MCPH1: variants seen among roughly 807,000 people sequenced by gnomAD.
MCPH1 encodes the protein microcephalin.
In MCPH1, 104 loss-of-function variants were observed where a neutral mutation model predicts 84.5. That is an observed-to-expected ratio of 1.23 (90% CI 1.05 to 1.45). The LOEUF (loss-of-function observed/expected upper bound fraction) is 1.45. Ranked by LOEUF, MCPH1 falls within the 40% of genes most tolerant of loss-of-function variation. MCPH1 has a pLI of 0.00. For synonymous variants in MCPH1, 514 were observed against 366.8 expected, an observed-to-expected ratio of 1.40 and a Z score of -4.58; for missense variants, 1,498 against 1,005.7, an observed-to-expected ratio of 1.49 and a Z score of -6.62.
Position 6,606,457 on chromosome 8 carries a change from G to A in MCPH1, c.2215-14997G>A, listed in dbSNP as rs61028942. Among the ~76,000 whole-genome samples the A allele has an allele frequency of 3.7e-4, 57 of 152,322 alleles. 2 individuals carry two copies. The East Asian group carries it at 0.01, about 28-fold the overall frequency. Reference sequence around the variant, plus strand: ...AAAACCTAACCTATATATGGTGGGTGTTCATGTTCTATTAAAGCAAGGTCC... The same window carrying A: ...AAAACCTAACCTATATATGGTGGGTATTCATGTTCTATTAAAGCAAGGTCC... On this transcript the variant is annotated intron_variant, in intron 12 of 13. Coordinates refer to ENST00000344683, the MANE Select transcript of MCPH1 (RefSeq NM_024596.5).
chr8:6,497,957 C>G (rs554466065), intron 11 of MCPH1, among the ~76,000 whole-genome samples: 3 of 152,250 alleles, frequency 2.0e-5, no homozygotes, highest in Admixed American at 1.3e-4. Context: ...AAAGAACTCT[C>G]AATGCTCTCA....
At chr8:6,478,249 T>C (rs1055160258) in intron 10 of MCPH1, among the ~76,000 whole-genome samples, 1 of 152,178 alleles carries the variant, frequency 6.6e-6, no homozygotes, top group Non-Finnish European at 1.5e-5. Flanking sequence ...AGGGCACCTT[T>C]AGAACATTTT....
At chr8:6,430,034 C>A (rs768337889) in intron 3 of MCPH1, among the ~76,000 whole-genome samples, 1 of 152,204 alleles carries the variant, frequency 6.6e-6, no homozygotes, top group Non-Finnish European at 1.5e-5. Flanking sequence ...ACCCTGTTTG[C>A]TGCACTGTGC....
intron 13 of MCPH1, among the ~76,000 whole-genome samples, chr8:6,641,493 G>C (rs1797933041): frequency 6.6e-6 from 1 of 152,212 alleles, no homozygotes; most frequent in Non-Finnish European, 1.5e-5. Context: ...TATAATCCCA[G>C]CATTTTGGAA....
intron 3 of MCPH1, among the ~76,000 whole-genome samples, chr8:6,425,533 A>G (rs1800925934): frequency 6.6e-6 from 1 of 152,184 alleles, no homozygotes; most frequent in African/African-American, 2.4e-5. Context: ...ACCCAGGTAG[A>G]TGAAATTCAG....
At chr8:6,590,184 G>A (rs1828328369) in intron 12 of MCPH1, among the ~76,000 whole-genome samples, 1 of 140,398 alleles carries the variant, frequency 7.1e-6, no homozygotes, top group Non-Finnish European at 1.5e-5. Flanking sequence ...ATGGAAGAGT[G>A]TTATAATGTT....
chr8:6,467,659 G>C (rs547170682), intron 9 of MCPH1, among the ~76,000 whole-genome samples: 1 of 152,254 alleles, frequency 6.6e-6, no homozygotes, highest in South Asian at 2.1e-4. Flanking sequence ...GCCGTGGCGA[G>C]ATCATAGCTC....
chr8:6,609,731 C>T (rs903140586), intron 12 of MCPH1, among the ~76,000 whole-genome samples: 1 of 152,020 alleles, frequency 6.6e-6, no homozygotes, highest in Non-Finnish European at 1.5e-5. Context: ...AGCCACTTCT[C>T]ATTTCCCAGG....
intron 11 of MCPH1, among the ~76,000 whole-genome samples, chr8:6,496,470 G>A (rs1811239020): frequency 6.6e-6 from 1 of 152,100 alleles, no homozygotes; most frequent in Admixed American, 6.5e-5. Context: ...TACACGATGT[G>A]GAGTCTTTTG....
At chr8:6,515,282 C>A (rs1354691159) in intron 12 of MCPH1, among the ~76,000 whole-genome samples, 1 of 152,122 alleles carries the variant, frequency 6.6e-6, no homozygotes, top group African/African-American at 2.4e-5. Flanking sequence ...ACTCCTGTTA[C>A]ATTCTCGTAC....
chr8:6,480,603 T>A, intron 10 of MCPH1, 111 bp from the exon 11 acceptor site: 2 of 1,187,072 alleles, frequency 1.7e-6, no homozygotes, highest in Non-Finnish European at 2.5e-6. Flanking sequence ...CCAAAATCAG[T>A]TTCAAATTTT....
At chr8:6,500,161 C>T (rs981665340) in intron 12 of MCPH1, 29 of 521,456 alleles carry the variant, frequency 5.6e-5, no homozygotes, top group Admixed American at 5.1e-4. Context: ...GAAAATTTGA[C>T]GATTAACATC....
chr8:6,628,805 C>T (rs1796950044), intron 13 of MCPH1, among the ~76,000 whole-genome samples: 1 of 152,220 alleles, frequency 6.6e-6, no homozygotes, highest in South Asian at 2.1e-4. Flanking sequence ...ATAAAAGAAA[C>T]TTCAAAGCTC....
intron 9 of MCPH1, among the ~76,000 whole-genome samples, chr8:6,467,736 C>G (rs1390141441): frequency 6.6e-6 from 1 of 152,114 alleles, no homozygotes; most frequent in Non-Finnish European, 1.5e-5. Context: ...AGCTGAGACT[C>G]CAGGCAGGTG....
intron 8 of MCPH1, among the ~76,000 whole-genome samples, chr8:6,447,602 G>T (rs971287924): frequency 6.6e-6 from 1 of 152,202 alleles, no homozygotes; most frequent in Non-Finnish European, 1.5e-5. Flanking sequence ...CCAGGTTGGA[G>T]TGCAGTGGCA....
chr8:6,608,381 A>C (rs976203370), intron 12 of MCPH1, among the ~76,000 whole-genome samples: 24 of 152,300 alleles, frequency 1.6e-4, no homozygotes, highest in East Asian at 3.9e-4. Flanking sequence ...TCAAAAAGGA[A>C]GCTCATCTTT....
intron 12 of MCPH1, among the ~76,000 whole-genome samples, chr8:6,541,186 G>C (rs1026739139): frequency 1.3e-5 from 2 of 152,218 alleles, no homozygotes; most frequent in Non-Finnish European, 2.9e-5. Context: ...CAGCACAAGA[G>C]GGTGAATTCT....
intron 12 of MCPH1, among the ~76,000 whole-genome samples, chr8:6,580,430 G>A (rs1827469495): frequency 6.6e-6 from 1 of 152,174 alleles, no homozygotes; most frequent in Non-Finnish European, 1.5e-5. Context: ...GCCGAGGCGG[G>A]CAGATCACGA....
rs73520669 is a variant in MCPH1 at position 6,484,934 on chromosome 8, T to A, written c.2136+4058T>A. Among the ~76,000 whole-genome samples the A allele has an allele frequency of 8.7e-3, 1,319 of 152,322 alleles. 28 individuals are homozygous for A. Among genetic ancestry groups the A allele is most frequent in the African/African-American group, 0.03 (1,229 of 41,568 alleles). On this transcript the variant is annotated intron_variant, in intron 11 of 13. Coordinates refer to ENST00000344683, the MANE Select transcript of MCPH1 (RefSeq NM_024596.5). ...GGGGCATTGGAATTGTGCTGTGTTG[T>A]TAGTGGCAATGGTTACAGAATCCAT...
Sources: gnomAD v4.1 joint callset for allele counts (sites outside exome capture counted in the v4.1 genomes callset) on GRCh38, gnomAD v4.1.1 for gene constraint, MANE v1.5 for transcripts, NCBI Gene and HGNC (gene_info 2026-07-23, HGNC 2026-07-21) for gene names.